Variants in ZDHHC14 observed in about 807,000 individuals in gnomAD.
ZDHHC14 encodes the protein zDHHC palmitoyltransferase 14, also known as palmitoyltransferase ZDHHC14.
Under a neutral mutation model 47.7 loss-of-function variants are expected in ZDHHC14, and 16 were observed. The ratio of observed to expected loss-of-function variants is 0.34; its 90% CI spans 0.23 to 0.51. The LOEUF (loss-of-function observed/expected upper bound fraction) is 0.51. ZDHHC14 is among the 20% of genes least tolerant of loss of function. The pLI is 0.97. For missense variants in ZDHHC14, 515 were observed against 662.5 expected (o/e 0.78, Z 2.44); for synonymous variants, 293 against 278.9 (o/e 1.05, Z -0.50).
At chr6:157,388,297 T>C (rs1354485856) in intron 1 of ZDHHC14, among the ~76,000 whole-genome samples, 2 of 152,208 alleles carry the variant, frequency 1.3e-5, no homozygotes, top group Non-Finnish European at 2.9e-5. Context: ...TAGGAAGTGA[T>C]ACTAAATTGT....
At chr6:157,419,212 C>A (rs1300288950) in intron 1 of ZDHHC14, among the ~76,000 whole-genome samples, 4 of 152,196 alleles carry the variant, frequency 2.6e-5, no homozygotes, top group African/African-American at 9.7e-5. Context: ...ACATTTGTTA[C>A]AATCGATCAA....
At chr6:157,456,134 T>C (rs2024877) in intron 1 of ZDHHC14, among the ~76,000 whole-genome samples, 124,540 of 152,144 alleles carry the variant, frequency 0.82, 51,252 homozygotes, top group East Asian at 0.92. Context: ...GGAGGCCTGC[T>C]GCGGGAGGGA....
intron 1 of ZDHHC14, among the ~76,000 whole-genome samples, chr6:157,384,101 C>A (rs141424391): frequency 0.019 from 2,879 of 152,234 alleles, 97 homozygotes; most frequent in African/African-American, 0.066. Context: ...TAAAAAAAAT[C>A]TTGAACAGAT....
intron 1 of ZDHHC14, among the ~76,000 whole-genome samples, chr6:157,487,276 A>C (rs1779803901): frequency 1.3e-5 from 2 of 152,192 alleles, no homozygotes; most frequent in African/African-American, 4.8e-5. Flanking sequence ...GAGAGGTTGA[A>C]GGGAAAATGA....
chr6:157,635,988 A>G (rs1025639740), intron 5 of ZDHHC14, among the ~76,000 whole-genome samples: 11 of 152,086 alleles, frequency 7.2e-5, no homozygotes, highest in Admixed American at 7.2e-4. Flanking sequence ...CTTTCCTCCC[A>G]CAGCCAGGCG....
intron 1 of ZDHHC14, among the ~76,000 whole-genome samples, chr6:157,426,604 C>A (rs1181840385): frequency 6.6e-6 from 1 of 152,100 alleles, no homozygotes; most frequent in East Asian, 1.9e-4. Context: ...GTGCTTGACA[C>A]TGGGGAAGCC....
intron 1 of ZDHHC14, among the ~76,000 whole-genome samples, chr6:157,522,924 T>C (rs181858580): frequency 0.12 from 4,176 of 36,298 alleles, 570 homozygotes; most frequent in Middle Eastern, 0.21. Flanking sequence ...TTCCTTCCTT[T>C]CTTTCTTTCT....
rs182458431 is a variant in ZDHHC14 at position 157,502,093 on chromosome 6, A to G, written c.246-40492A>G. 2.6e-5 allele frequency among the ~76,000 whole-genome samples: 4 copies of G among 152,314 alleles called. No homozygotes were observed. The highest frequency in any genetic ancestry group is 9.6e-5 in the African/African-American group (4 of 41,572). ...GTCTTGAAGTGTTCTTCTTGCTGCAATTGAGAAGTTAATTGAATCTCAGAG... is the reference window on the plus strand; with the variant it reads ...GTCTTGAAGTGTTCTTCTTGCTGCAGTTGAGAAGTTAATTGAATCTCAGAG... On this transcript the variant is annotated intron_variant, in intron 1 of 8. Transcript: ENST00000359775. This position sits in a 1 kb window ranked among gnomAD's most constrained non-coding sequence, Gnocchi z 4.0.
chr6:157,445,722 A>T (rs890711937), intron 1 of ZDHHC14, among the ~76,000 whole-genome samples: 1 of 152,210 alleles, frequency 6.6e-6, no homozygotes, highest in Non-Finnish European at 1.5e-5. Context: ...TACTATATTT[A>T]GACGCAGAAA....
rs1375921554 is a variant in ZDHHC14, at chr6:157,542,663, C to T, written c.324C>T (p.Thr108=). Reference sequence around the variant, plus strand: ...TCCTGTTCTTCTTTGTGATGGGGACCCTGCTCCGCACCAGCTTCAGCGACC... The same window carrying T: ...TCCTGTTCTTCTTTGTGATGGGGACTCTGCTCCGCACCAGCTTCAGCGACC... ...AGILFFFVMG[T]LLRTSFSDPG... is the part of the protein sequence containing the mutation. Residue 108 remains threonine, a synonymous_variant, in exon 2 of 9, where the codon ACC becomes ACT. Coordinates refer to ENST00000359775, the MANE Select transcript of ZDHHC14 (RefSeq NM_024630.3). 4 of 1,614,046 alleles carry T rather than the reference C, an allele frequency of 2.5e-6. No homozygotes were observed. In the African/African-American group the frequency reaches 4.0e-5, roughly 16 times the overall value.
intron 3 of ZDHHC14, among the ~76,000 whole-genome samples, chr6:157,625,436 C>G (rs867363979): frequency 6.6e-6 from 1 of 151,984 alleles, no homozygotes; most frequent in Non-Finnish European, 1.5e-5. Context: ...GAGAGGCCGC[C>G]GTTTTGGAGT....
intron 2 of ZDHHC14, among the ~76,000 whole-genome samples, chr6:157,552,321 T>G (rs1470326236): frequency 6.6e-6 from 1 of 152,074 alleles, no homozygotes; most frequent in African/African-American, 2.4e-5. Context: ...ATGAAACCCT[T>G]CATGCAGAGT....
At chr6:157,497,809 G>T (rs1780104000) in intron 1 of ZDHHC14, among the ~76,000 whole-genome samples, 1 of 152,182 alleles carries the variant, frequency 6.6e-6, no homozygotes, top group African/African-American at 2.4e-5. Flanking sequence ...TACTACTAAA[G>T]ATAGTGAGTC....
chr6:157,608,089 A>G lies in ZDHHC14; in HGVS notation c.565+14943A>G, dbSNP rs927948556. 2.0e-5 allele frequency among the ~76,000 whole-genome samples: 3 copies of G among 152,328 alleles called. No homozygotes were observed. In the South Asian group the frequency reaches 6.2e-4, roughly 32 times the overall value. On this transcript the variant is annotated intron_variant, in intron 3 of 8. Coordinates refer to ENST00000359775, the MANE Select transcript of ZDHHC14 (RefSeq NM_024630.3). The stretch of plus-strand genomic sequence containing the variant: ...GTTTGTTTTTCACCAACGAATTGAA[A>G]ACATGCATTTTTTTCCACCTTTGCT...
intron 1 of ZDHHC14, among the ~76,000 whole-genome samples, chr6:157,453,522 A>G (rs1049191994): frequency 1.2e-4 from 19 of 152,226 alleles, no homozygotes; most frequent in African/African-American, 4.6e-4. Context: ...TGTATTATAA[A>G]AGACCCTCTA....
At chr6:157,611,820 C>T (rs745528264) in intron 3 of ZDHHC14, among the ~76,000 whole-genome samples, 1 of 152,142 alleles carries the variant, frequency 6.6e-6, no homozygotes, top group Non-Finnish European at 1.5e-5. Context: ...TGACCGGCTC[C>T]GTCCCTTTTG....
chr6:157,662,941 T>C (rs1431153858), intron 8 of ZDHHC14, among the ~76,000 whole-genome samples: 1 of 152,278 alleles, frequency 6.6e-6, no homozygotes, highest in African/African-American at 2.4e-5. Context: ...TCATTAATTG[T>C]TAAATTTAGC....
intron 2 of ZDHHC14, among the ~76,000 whole-genome samples, chr6:157,555,335 C>G (rs1782415771): frequency 6.6e-6 from 1 of 152,180 alleles, no homozygotes; most frequent in South Asian, 2.1e-4. Flanking sequence ...GATGAGGCTG[C>G]CTGACCCCCC....
At chr6:157,406,475 T>G (rs958675401) in intron 1 of ZDHHC14, among the ~76,000 whole-genome samples, 4 of 152,224 alleles carry the variant, frequency 2.6e-5, no homozygotes, top group African/African-American at 9.6e-5. Flanking sequence ...GGAATTTGGC[T>G]TGCTGAGCTA....
Sources: allele counts gnomAD v4.1 joint callset (sites outside exome capture counted in the v4.1 genomes callset), GRCh38; gene constraint gnomAD v4.1.1; non-coding constraint Gnocchi (gnomAD v3.1); transcripts MANE v1.5; gene names NCBI Gene and HGNC (gene_info 2026-07-23, HGNC 2026-07-21).